The following SPNS3 variants were observed in gnomAD, a reference collection of about 807,000 sequenced individuals.
The protein encoded by SPNS3 is protein spinster homolog 3.
Under a neutral mutation model 54.4 loss-of-function variants are expected in SPNS3, and 51 were observed. The observed-to-expected ratio is 0.94, with a 90% CI of 0.75 to 1.18. The LOEUF is 1.18. SPNS3 is among the 50% of genes most tolerant of loss of function. The pLI is 0.00. For missense variants in SPNS3, 669 were observed against 677.4 expected, an observed-to-expected ratio of 0.99 and a Z score of 0.14; for synonymous variants, 309 against 294.7, an observed-to-expected ratio of 1.05 and a Z score of -0.50.
intron 8 of SPNS3, among the ~76,000 whole-genome samples, chr17:4,474,541 C>A (rs1216893074): frequency 6.6e-6 from 1 of 152,104 alleles, no homozygotes; most frequent in Non-Finnish European, 1.5e-5. Flanking sequence ...TGAGCTGAAC[C>A]AAGATTGAAG....
At chr17:4,477,687 G>A (rs915961724) in intron 8 of SPNS3, among the ~76,000 whole-genome samples, 2 of 152,172 alleles carry the variant, frequency 1.3e-5, no homozygotes, top group Admixed American at 6.5e-5. Context: ...TTTACCCAGG[G>A]GCAGCTGGTG....
rs528148013 is a variant in SPNS3, at chr17:4,449,331, C to T, written c.867C>T (p.Arg289=). ...FWAPKFLLEA[R]VVHGLQPPCF... is the part of the protein sequence containing the mutation. ...CCCCCAAGTTTCTGCTCGAGGCACGCGTGGTTCACGGGCTGCAGCCTCCCT... is the reference window on the plus strand; with the variant it reads ...CCCCCAAGTTTCTGCTCGAGGCACGTGTGGTTCACGGGCTGCAGCCTCCCT... The change falls in exon 7 of 12, where the codon CGC becomes CGT. Residue 289 remains arginine, a synonymous_variant. Coordinates refer to ENST00000355530, the MANE Select transcript of SPNS3 (RefSeq NM_182538.5). 37 of 1,611,232 alleles carry T rather than the reference C, an allele frequency of 2.3e-5. No homozygotes were observed. The Admixed American group carries it at 2.8e-4, about 12-fold the overall frequency.
chr17:4,468,571 G>C (rs1971747657), intron 8 of SPNS3, among the ~76,000 whole-genome samples: 1 of 152,066 alleles, frequency 6.6e-6, no homozygotes, highest in Non-Finnish European at 1.5e-5. Context: ...TGTGGGGCAG[G>C]GGGCGGTGGC....
At chr17:4,475,306 T>G (rs911628832) in intron 8 of SPNS3, among the ~76,000 whole-genome samples, 1 of 152,150 alleles carries the variant, frequency 6.6e-6, no homozygotes, top group Non-Finnish European at 1.5e-5. Context: ...GAGTCAGATT[T>G]CTGTTTCGGA....
chr17:4,449,290 G>T lies in SPNS3; in HGVS notation c.826G>T (p.Ala276Ser). The change falls in exon 7 of 12, where the codon GCC becomes TCC. Residue 276 changes from alanine (A) to serine (S), a missense_variant. By Grantham distance (99) the Ala-to-Ser change is moderately conservative. Coordinates refer to ENST00000355530, the MANE Select transcript of SPNS3 (RefSeq NM_182538.5). ...GACCGCCATGGCCTTTGTGACTGGA[G>T]CCCTGGGGTTCTGGGCCCCCAAGTT... is the stretch of plus-strand genomic sequence containing the variant. Reference protein sequence around the residue: ...GVTAMAFVTGALGFWAPKFLL... With the variant: ...GVTAMAFVTGSLGFWAPKFLL... 1 of 1,612,714 alleles carries T rather than the reference G, an allele frequency of 6.2e-7. No homozygotes were observed. The highest frequency in any genetic ancestry group is 8.5e-7 in the Non-Finnish European group (1 of 1,179,956).
intron 8 of SPNS3, among the ~76,000 whole-genome samples, chr17:4,474,631 G>A (rs554086163): frequency 2.0e-5 from 3 of 152,334 alleles, no homozygotes; most frequent in East Asian, 1.9e-4. Flanking sequence ...GCAGGTGGAC[G>A]AGAGGAGAGG....
chr17:4,453,020 A>AT lies in SPNS3; in HGVS notation c.933dup (p.Gly312TrpfsTer30). 2 of 1,613,182 alleles carry AT rather than the reference A, an allele frequency of 1.2e-6. No homozygotes were observed. The highest frequency in any genetic ancestry group is 1.7e-6 in the Non-Finnish European group (2 of 1,179,406). On this transcript the variant is annotated frameshift_variant, in exon 8 of 12. Transcript: ENST00000355530. LOFTEE classifies it high-confidence loss of function. ...TTCTGTGCTCTTCCCCATCAGCCTG[A>AT]TTTTTGGGGCACTGACCATCATGAC...
chr17:4,441,360 C>T (rs1432423229), intron 2 of SPNS3, among the ~76,000 whole-genome samples: 1 of 150,152 alleles, frequency 6.7e-6, no homozygotes, highest in African/African-American at 2.5e-5. Flanking sequence ...CTATTCTCCA[C>T]AGAAAGGAAA....
chr17:4,480,629 C>G (rs1475537455), intron 9 of SPNS3, among the ~76,000 whole-genome samples: 1 of 148,978 alleles, frequency 6.7e-6, no homozygotes, highest in Non-Finnish European at 1.5e-5. Context: ...GAGCCAGGCT[C>G]TTTGTGGGGT....
At chr17:4,453,294 G>A (rs1971219521) in intron 8 of SPNS3, 89 bp downstream of exon 8, 4 of 1,228,178 alleles carry the variant, frequency 3.3e-6, no homozygotes, top group Admixed American at 4.4e-5. Flanking sequence ...CGGCCTTTAT[G>A]TACAATTATG....
At chr17:4,473,495 C>A (rs974445192) in intron 8 of SPNS3, among the ~76,000 whole-genome samples, 28 of 150,920 alleles carry the variant, frequency 1.9e-4, no homozygotes, top group Middle Eastern at 3.4e-3. Context: ...ACAAGTGATT[C>A]TTGTGCTTTA....
chr17:4,434,487 C>T (rs1347032774), intron 1 of SPNS3, among the ~76,000 whole-genome samples: 1 of 152,042 alleles, frequency 6.6e-6, no homozygotes, highest in Non-Finnish European at 1.5e-5. Context: ...TAGTGAGACT[C>T]TGTCTCTATT....
At chr17:4,452,756 G>T (rs1971199060) in intron 7 of SPNS3, among the ~76,000 whole-genome samples, 1 of 151,874 alleles carries the variant, frequency 6.6e-6, no homozygotes, top group African/African-American at 2.4e-5. Flanking sequence ...CACCCACATG[G>T]CCAGTGGGAT....
At chr17:4,434,321 C>T (rs983204293) in intron 1 of SPNS3, among the ~76,000 whole-genome samples, 155 bp downstream of exon 1, 2 of 152,066 alleles carry the variant, frequency 1.3e-5, no homozygotes, top group African/African-American at 4.8e-5. Context: ...CAGCTGTGCT[C>T]GAATCGGGGA....
chr17:4,486,046 AGATGGGCTT>A lies in SPNS3; in HGVS notation c.1180-177_1180-169del. 2.0e-6 allele frequency: 1 copy of A among 508,872 alleles called. No individual in the cohort carries two copies. Among genetic ancestry groups the A allele is most frequent in the Non-Finnish European group, 3.4e-6 (1 of 297,472 alleles). The allele number at this position is 508,872 out of a possible 1,614,324, so 31.5% of individuals were successfully genotyped here. ...CATCCTGGGGCACTGGGGAAGCTTC[AGATGGGCTT>A]GATGTCTTGATGTTCTGGGGTGGGA... On this transcript the variant is annotated intron_variant, in intron 9 of 11. Transcript: ENST00000355530. This position sits in a 1 kb window ranked among gnomAD's most constrained non-coding sequence, Gnocchi z 5.5.
intron 5 of SPNS3, 29 bp from the exon 6 acceptor site, chr17:4,448,126 C>T: frequency 1.3e-6 from 2 of 1,557,378 alleles, no homozygotes; most frequent in Non-Finnish European, 1.7e-6. Context: ...ATATGCGGCC[C>T]TGAGCTTCCT....
chr17:4,462,830 C>CACCA (rs1971570128), intron 8 of SPNS3, among the ~76,000 whole-genome samples: 1 of 121,748 alleles, frequency 8.2e-6, no homozygotes, highest in Admixed American at 8.2e-5. Context: ...TCCATCCATC[C>CACCA]ATCCATTCAA....
chr17:4,442,006 G>GTGTGTGTGTGTGTGTGTGTA (rs1970865277), intron 2 of SPNS3, among the ~76,000 whole-genome samples: 1 of 151,702 alleles, frequency 6.6e-6, no homozygotes, highest in Non-Finnish European at 1.5e-5. Context: ...GTGTGTGTGT[G>GTGTGTGTGTGTGTGTGTGTA]TGTGTGTGTG....
At chr17:4,470,879 T>C (rs1414811915) in intron 8 of SPNS3, among the ~76,000 whole-genome samples, 1 of 152,188 alleles carries the variant, frequency 6.6e-6, no homozygotes, top group Non-Finnish European at 1.5e-5. Context: ...ATTTTTGTTA[T>C]ATTAATATCT....
Sources: gnomAD v4.1 joint callset for allele counts (sites outside exome capture counted in the v4.1 genomes callset) on GRCh38, gnomAD v4.1.1 for gene constraint, Gnocchi (gnomAD v3.1) non-coding constraint, MANE v1.5 for transcripts, NCBI Gene and HGNC (gene_info 2026-07-23, HGNC 2026-07-21) for gene names.